Variants in ABHD15 observed in about 807,000 individuals in gnomAD.
ABHD15 encodes the protein abhydrolase domain containing 15, also known as protein ABHD15.
A neutral mutation model predicts 34.4 loss-of-function variants in ABHD15; 34 were observed. The ratio of observed to expected loss-of-function variants is 0.99; its 90% CI spans 0.75 to 1.32. The LOEUF is 1.32. Ranked by LOEUF, ABHD15 falls within the 40% of genes most tolerant of loss-of-function variation. The pLI is 0.00. For missense variants in ABHD15, 644 were observed against 650.4 expected (o/e 0.99, Z 0.11); for synonymous variants, 314 against 299.2 (o/e 1.05, Z -0.51).
Position 29,566,875 on chromosome 17 carries a change from C to T in ABHD15, c.92G>A (p.Arg31His). ...LGPRLRGPWG[R>H]AVGERTLPGA... The stretch of plus-strand genomic sequence containing the variant: ...CGGCAGGGTCCTCTCTCCGACGGCG[C>T]GCCCCCAGGGTCCCCGGAGCCGCGG... Residue 31 changes from arginine to histidine, a missense_variant, in exon 1 of 2, where the codon CGC (arginine) becomes CAC (histidine). Arg to His is a conservative substitution (Grantham distance 29). Coordinates refer to ENST00000307201, the MANE Select transcript of ABHD15 (RefSeq NM_198147.3). The T allele has an allele frequency of 6.7e-7, 1 of 1,501,808 alleles. No homozygotes were observed. The highest frequency in any genetic ancestry group is 8.8e-7 in the Non-Finnish European group (1 of 1,133,930). The allele number at this position is 1,501,808 out of a possible 1,614,324, so 93.0% of individuals were successfully genotyped here.
chr17:29,566,176 G>T lies in ABHD15; in HGVS notation c.791C>A (p.Pro264His), dbSNP rs1185684278. ...SYVTGAACIS[P>H]VLRCREWFEA... ...GAACCACTCTCGGCAGCGCAGCACG[G>T]GCGAGATGCAGGCGGCGCCTGTCAC... Residue 264 changes from proline to histidine, a missense_variant, in exon 1 of 2, where the codon CCC becomes CAC. Pro to His is a moderately conservative substitution (Grantham distance 77). Transcript: ENST00000307201. 2.5e-6 allele frequency: 4 copies of T among 1,609,476 alleles called. No homozygotes were observed. The highest frequency in any genetic ancestry group is 2.5e-6 in the Non-Finnish European group (3 of 1,177,730).
intron 1 of ABHD15, 98 bp from the exon 2 acceptor site, chr17:29,563,184 G>C (rs575259453): frequency 2.5e-5 from 34 of 1,377,452 alleles, no homozygotes; most frequent in Admixed American, 6.3e-5. Context: ...CCGCAGGCCA[G>C]ATCTGTCCAC....
rs754831242 is a variant in ABHD15, at chr17:29,566,305, T to C, written c.662A>G (p.Tyr221Cys). ...DPSDLKEAVT[Y>C]IRFRHPAAPL... ...CGCCGCCGGGTGTCGGAAGCGGATGTATGTGACCGCCTCCTTGAGGTCGGA... is the reference window on the plus strand; with the variant it reads ...CGCCGCCGGGTGTCGGAAGCGGATGCATGTGACCGCCTCCTTGAGGTCGGA... The change falls in exon 1 of 2, where the codon TAC becomes TGC. Residue 221 changes from tyrosine to cysteine, a missense_variant. Tyr to Cys is a radical substitution (Grantham distance 194). Transcript: ENST00000307201. The C allele has an allele frequency of 1.2e-6, 2 of 1,611,594 alleles. No individual in the cohort carries two copies. Among genetic ancestry groups the C allele is most frequent in the African/African-American group, 2.7e-5 (2 of 74,926 alleles).
Position 29,566,278 on chromosome 17 carries a change from G to A in ABHD15, c.689C>T (p.Pro230Leu), listed in dbSNP as rs759926283. 1.9e-6 allele frequency: 3 copies of A among 1,611,026 alleles called. No homozygotes were observed. The South Asian group carries it at 3.3e-5, about 18-fold the overall frequency. ...CGAGCCTTCGCTCACCGCGAACAGC[G>A]GCGCCGCCGGGTGTCGGAAGCGGAT... ...TYIRFRHPAA[P>L]LFAVSEGSGS... Residue 230 changes from proline to leucine, a missense_variant, in exon 1 of 2, where the codon CCG becomes CTG. Physicochemically the swap from Pro to Leu is moderately conservative, Grantham distance 98 (BLOSUM62 -3). Coordinates refer to ENST00000307201, the MANE Select transcript of ABHD15 (RefSeq NM_198147.3).
At position 29,562,407 on chromosome 17, in the gene ABHD15, C is replaced by A; in HGVS notation, c.*154G>T. 2 of 863,172 alleles carry A rather than the reference C, an allele frequency of 2.3e-6. No homozygotes were observed. Among genetic ancestry groups the A allele is most frequent in the South Asian group, 1.9e-5 (1 of 53,552 alleles). 53.5% of individuals were successfully genotyped at this position (863,172 alleles called of 1,614,324 possible). ...GTGAGTGCAGGCTCGCAGGACGTTC[C>A]TTCTCTTTCAAGGCACCAATTTAAG... On this transcript the variant is annotated 3_prime_UTR_variant, in exon 2 of 2. Coordinates refer to ENST00000307201, the MANE Select transcript of ABHD15 (RefSeq NM_198147.3).
intron 1 of ABHD15, among the ~76,000 whole-genome samples, chr17:29,565,864 G>C (rs1412567170): frequency 6.6e-6 from 1 of 152,238 alleles, no homozygotes; most frequent in East Asian, 1.9e-4. Context: ...AGGAGTCCCT[G>C]CTCTAGCACA....
intron 1 of ABHD15, among the ~76,000 whole-genome samples, chr17:29,563,362 C>A (rs1372444272): frequency 6.8e-6 from 1 of 146,122 alleles, no homozygotes; most frequent in Non-Finnish European, 1.5e-5. Flanking sequence ...ACAGCCTGGG[C>A]AACAGGGCGA....
chr17:29,564,685 C>A (rs1879651144), intron 1 of ABHD15, among the ~76,000 whole-genome samples: 1 of 152,194 alleles, frequency 6.6e-6, no homozygotes, highest in Admixed American at 6.5e-5. Flanking sequence ...ACAATCCCAT[C>A]TTTATGAAAA....
intron 1 of ABHD15, among the ~76,000 whole-genome samples, chr17:29,564,013 G>T (rs1206193626): frequency 6.6e-6 from 1 of 152,182 alleles, no homozygotes; most frequent in South Asian, 2.1e-4. Context: ...CTGTGTGACG[G>T]TGCCCACTAG....
At position 29,562,832 on chromosome 17, in the gene ABHD15, G is replaced by A. The variant is rs774179110; in HGVS notation, c.1136C>T (p.Pro379Leu). ...TLTTELFHSN[P>L]YFFLLLSRHG... ...GCGACTGAGCAGGAGGAAGAAGTAG[G>A]GGTTGCTGTGGAAGAGTTCAGTTGT... Residue 379 changes from proline to leucine, a missense_variant, in exon 2 of 2, where the codon CCC becomes CTC. Physicochemically the swap from Pro to Leu is moderately conservative, Grantham distance 98. Coordinates refer to ENST00000307201, the MANE Select transcript of ABHD15 (RefSeq NM_198147.3). 6.2e-7 allele frequency: 1 copy of A among 1,613,762 alleles called. No individual in the cohort carries two copies. Among genetic ancestry groups the A allele is most frequent in the Non-Finnish European group, 8.5e-7 (1 of 1,179,710 alleles).
Position 29,566,900 on chromosome 17 carries a change from G to A in ABHD15, c.67C>T (p.Pro23Ser). 4 of 1,490,828 alleles carry A rather than the reference G, an allele frequency of 2.7e-6. No homozygotes were observed. The highest frequency in any genetic ancestry group is 8.9e-7 in the Non-Finnish European group (1 of 1,129,226). 92.3% of individuals were successfully genotyped at this position (1,490,828 alleles called of 1,614,324 possible). ...CGCCCCCAGGGTCCCCGGAGCCGCG[G>A]GCCGAGCAGGCCGAGAAGGGCGAGC... The part of the protein sequence containing the change: ...AVLALLGLLG[P>S]RLRGPWGRAV... The change falls in exon 1 of 2, where the codon CCG (proline) becomes TCG (serine). Residue 23 changes from proline to serine, a missense_variant. Physicochemically the swap from Pro to Ser is moderately conservative, Grantham distance 74 (BLOSUM62 -1). Transcript: ENST00000307201.
rs1444273133 is a variant in ABHD15, at chr17:29,566,571, A to T, written c.396T>A (p.Asp132Glu). ...CCACCCAGTCCAGGGCCACTAGCCC[A>T]TCGTCCGCCAACTGCAGGTACTCCC... is the stretch of plus-strand genomic sequence containing the variant. ...LAREYLQLAD[D>E]GLVALDWVVG... The change falls in exon 1 of 2, where the codon GAT (aspartate) becomes GAA (glutamate). Residue 132 changes from aspartate to glutamate, a missense_variant. Physicochemically the swap from Asp to Glu is conservative, Grantham distance 45. Transcript: ENST00000307201. 6.2e-7 allele frequency: 1 copy of T among 1,608,460 alleles called. No individual in the cohort carries two copies.
At position 29,566,270 on chromosome 17, in the gene ABHD15, C is replaced by T. The variant is rs771475575; in HGVS notation, c.697G>A (p.Ala233Thr). ...RFRHPAAPLF[A>T]VSEGSGSALL... The stretch of plus-strand genomic sequence containing the variant: ...GCCGAGCCCGAGCCTTCGCTCACCG[C>T]GAACAGCGGCGCCGCCGGGTGTCGG... Residue 233 changes from alanine to threonine, a missense_variant, in exon 1 of 2, where the codon GCG becomes ACG. Transcript: ENST00000307201. 2 of 1,610,702 alleles carry T rather than the reference C, an allele frequency of 1.2e-6. No individual in the cohort carries two copies. Among genetic ancestry groups the T allele is most frequent in the Admixed American group, 3.4e-5 (2 of 59,700 alleles).
intron 1 of ABHD15, among the ~76,000 whole-genome samples, chr17:29,565,595 T>A (rs978338856): frequency 1.2e-4 from 19 of 152,214 alleles, no homozygotes; most frequent in Admixed American, 1.2e-3. Flanking sequence ...CCTCCCAAAG[T>A]GCTGGGATTA....
rs1242855186 is a variant in ABHD15, at chr17:29,566,672, A to G, written c.295T>C (p.Ser99Pro). The change falls in exon 1 of 2, where the codon TCC (serine) becomes CCC (proline). Residue 99 changes from serine (S) to proline (P), a missense_variant. Physicochemically the swap from Ser to Pro is moderately conservative, Grantham distance 74. Transcript: ENST00000307201. ...RSEALEAGPR[S>P]WFSGPHLQTL... ...TGCAGGTGGGGCCCGGAGAACCAGG[A>G]GCGCGGGCCGGCCTCCAGCGCCTCT... 1 of 1,598,062 alleles carries G rather than the reference A, an allele frequency of 6.3e-7. No individual in the cohort carries two copies. The highest frequency in any genetic ancestry group is 8.5e-7 in the Non-Finnish European group (1 of 1,177,152).
chr17:29,566,734 G>A lies in ABHD15; in HGVS notation c.233C>T (p.Ala78Val), dbSNP rs556724290. Reference protein sequence around the residue: ...GGCSLVCKPSALAQCLLRALR... With the variant: ...GGCSLVCKPSVLAQCLLRALR... ...GGCGCGCAGCAGGCACTGGGCCAGG[G>A]CCGACGGCTTGCAAACAAGGCTGCA... Residue 78 changes from alanine (A) to valine (V), a missense_variant, in exon 1 of 2, where the codon GCC (alanine) becomes GTC (valine). Ala to Val is a moderately conservative substitution (Grantham distance 64). Transcript: ENST00000307201. 9.7e-5 allele frequency: 151 copies of A among 1,563,360 alleles called. No individual in the cohort carries two copies. In the Admixed American group the frequency reaches 1.1e-3, roughly 11 times the overall value.
chr17:29,567,007 C>A lies in ABHD15; in HGVS notation c.-41G>T. The A allele has an allele frequency of 2.4e-6, 3 of 1,268,936 alleles. No homozygotes were observed. The highest frequency in any genetic ancestry group is 3.2e-5 in the East Asian group (1 of 30,978). 78.6% of individuals were successfully genotyped at this position (1,268,936 alleles called of 1,614,324 possible). A position where few individuals can be genotyped will look rare whatever the true frequency, so the allele number is the denominator to read the frequency against. On this transcript the variant is annotated 5_prime_UTR_variant, in exon 1 of 2. Transcript: ENST00000307201. The surrounding 1 kb of genome is among the most constrained non-coding windows in gnomAD (Gnocchi z 6.6). ...CCCCGGCGGGCAGCGGGCGGCGGGG[C>A]CGTCTACTCGGCGAGCTCCGCGCTT...
intron 1 of ABHD15, among the ~76,000 whole-genome samples, chr17:29,563,529 CAG>C (rs1259950220): frequency 1.3e-5 from 2 of 151,772 alleles, no homozygotes; most frequent in African/African-American, 4.8e-5. Flanking sequence ...CTGGGTGACA[CAG>C]AGAGACCATT....
At position 29,566,397 on chromosome 17, in the gene ABHD15, G is replaced by A. The variant is rs1232389290; in HGVS notation, c.570C>T (p.Ile190=). 3 of 1,611,596 alleles carry A rather than the reference G, an allele frequency of 1.9e-6. No individual in the cohort carries two copies. Among genetic ancestry groups the A allele is most frequent in the East Asian group, 4.5e-5 (2 of 44,854 alleles). ...AACCGTGGTGGCCGCGGCGATGGAA[G>A]ATGACCGGGTAGTAGCCGCGCTCCA... is the stretch of plus-strand genomic sequence containing the variant. ...LALERGYYPV[I]FHRRGHHGCP... The change falls in exon 1 of 2, where the codon ATC becomes ATT. Residue 190 remains isoleucine (I), a synonymous_variant. Coordinates refer to ENST00000307201, the MANE Select transcript of ABHD15 (RefSeq NM_198147.3).
Sources: gnomAD v4.1 joint callset for allele counts (sites outside exome capture counted in the v4.1 genomes callset) on GRCh38, gnomAD v4.1.1 for gene constraint, Gnocchi (gnomAD v3.1) non-coding constraint, MANE v1.5 for transcripts, NCBI Gene and HGNC (gene_info 2026-07-23, HGNC 2026-07-21) for gene names.